The following C10orf90 variants were observed in gnomAD, a reference collection of about 807,000 sequenced individuals.
C10orf90 encodes chromosome 10 open reading frame 90.
In C10orf90, 56 loss-of-function variants were observed where a neutral mutation model predicts 62.5. The observed-to-expected ratio is 0.90, with a 90% confidence interval of 0.72 to 1.12. The LOEUF is 1.12. C10orf90 is among the 50% of genes most tolerant of loss of function. C10orf90 has a pLI of 0.00. For synonymous variants in C10orf90, 386 were observed against 340.4 expected (o/e 1.13, Z -1.47); for missense variants, 970 against 880.4 (o/e 1.10, Z -1.29).
chr10:126,628,931 C>T (rs1564899511), intron 2 of C10orf90, among the ~76,000 whole-genome samples: 1 of 152,226 alleles, frequency 6.6e-6, no homozygotes, highest in South Asian at 2.1e-4. Context: ...TGGGTGCCCA[C>T]CGCTGTGTAG....
intron 1 of C10orf90, among the ~76,000 whole-genome samples, chr10:126,665,776 G>A (rs1217700145): frequency 6.6e-6 from 1 of 152,168 alleles, no homozygotes; most frequent in African/African-American, 2.4e-5. Flanking sequence ...GGAGGAGGTA[G>A]AGACGGAAAT....
At chr10:126,567,998 G>C (rs72839035) in intron 2 of C10orf90, among the ~76,000 whole-genome samples, 8,934 of 152,210 alleles carry the variant, frequency 0.059, 337 homozygotes, top group Middle Eastern at 0.099. Context: ...CTCTGGGAAA[G>C]GAGAGGAAAT....
At chr10:126,569,181 G>T (rs1391161973) in intron 2 of C10orf90, among the ~76,000 whole-genome samples, 1 of 152,178 alleles carries the variant, frequency 6.6e-6, no homozygotes, top group East Asian at 1.9e-4. Context: ...TGGCTGCCAG[G>T]GGTGGGTAGC....
At chr10:126,535,494 G>C (rs1039473690) in intron 2 of C10orf90, among the ~76,000 whole-genome samples, 1 of 149,250 alleles carries the variant, frequency 6.7e-6, no homozygotes, top group African/African-American at 2.5e-5. Flanking sequence ...TCCAGCCTGG[G>C]CAACAGAGCC....
chr10:126,637,043 C>T (rs1035748065), intron 2 of C10orf90, among the ~76,000 whole-genome samples: 1 of 151,858 alleles, frequency 6.6e-6, no homozygotes, highest in Non-Finnish European at 1.5e-5. Flanking sequence ...ATAAGGAAGT[C>T]GAAACAAATA....
intron 2 of C10orf90, among the ~76,000 whole-genome samples, chr10:126,640,393 TGA>T (rs2133842663): frequency 6.6e-6 from 1 of 152,352 alleles, no homozygotes; most frequent in South Asian, 2.1e-4. Flanking sequence ...GAGGATAAAG[TGA>T]GAGCCTCTGA....
intron 4 of C10orf90, among the ~76,000 whole-genome samples, chr10:126,473,095 C>A (rs893777529): frequency 1.3e-5 from 2 of 152,082 alleles, no homozygotes; most frequent in Non-Finnish European, 2.9e-5. Context: ...AAAATTCCTG[C>A]CCTCATGCCT....
At chr10:126,659,251 C>A (rs1437389226) in intron 1 of C10orf90, among the ~76,000 whole-genome samples, 1 of 152,202 alleles carries the variant, frequency 6.6e-6, no homozygotes, top group Admixed American at 6.5e-5. Context: ...GAGCCATGCA[C>A]TGAGAAGCTG....
chr10:126,586,714 C>G (rs1040445977), intron 2 of C10orf90, among the ~76,000 whole-genome samples: 6 of 152,122 alleles, frequency 3.9e-5, no homozygotes, highest in Admixed American at 6.5e-5. Flanking sequence ...TTCCTAAATT[C>G]CTGCATGAAA....
chr10:126,510,473 C>A (rs1382511535), intron 3 of C10orf90, among the ~76,000 whole-genome samples: 1 of 152,166 alleles, frequency 6.6e-6, no homozygotes, highest in African/African-American at 2.4e-5. Context: ...CATGTCTTTA[C>A]AAAGAGATTT....
chr10:126,577,187 T>C (rs1309831877), intron 2 of C10orf90, among the ~76,000 whole-genome samples: 2 of 151,946 alleles, frequency 1.3e-5, no homozygotes, highest in Non-Finnish European at 2.9e-5. Flanking sequence ...TTTGAGATGA[T>C]GGATATGCTA....
chr10:126,462,534 A>T (rs1860053732), intron 5 of C10orf90, among the ~76,000 whole-genome samples: 1 of 152,082 alleles, frequency 6.6e-6, no homozygotes, highest in African/African-American at 2.4e-5. Flanking sequence ...CACATCACTC[A>T]TTCAGCAGCA....
At chr10:126,550,221 G>A (rs1163566241) in intron 2 of C10orf90, among the ~76,000 whole-genome samples, 1 of 152,116 alleles carries the variant, frequency 6.6e-6, no homozygotes, top group Non-Finnish European at 1.5e-5. Context: ...CTCTGAAAGT[G>A]CTGGAATTAC....
chr10:126,526,756 C>T (rs1433433200), intron 2 of C10orf90, among the ~76,000 whole-genome samples: 1 of 152,166 alleles, frequency 6.6e-6, no homozygotes, highest in Non-Finnish European at 1.5e-5. Flanking sequence ...GGCAACCACT[C>T]AACAACTGTC....
At chr10:126,445,706 C>T (rs933709896) in intron 7 of C10orf90, among the ~76,000 whole-genome samples, 9 of 151,814 alleles carry the variant, frequency 5.9e-5, no homozygotes, top group African/African-American at 1.9e-4. Flanking sequence ...AAAAAAGATA[C>T]TTGCACATGC....
chr10:126,613,158 G>A (rs1433249396), intron 2 of C10orf90, among the ~76,000 whole-genome samples: 3 of 152,118 alleles, frequency 2.0e-5, no homozygotes, highest in East Asian at 1.9e-4. Flanking sequence ...TTACAATACT[G>A]TATTTTGCCA....
At chr10:126,510,815 G>A (rs1331409031) in intron 3 of C10orf90, among the ~76,000 whole-genome samples, 1 of 152,186 alleles carries the variant, frequency 6.6e-6, no homozygotes, top group African/African-American at 2.4e-5. Flanking sequence ...TCTAAGAAGG[G>A]CATAATTTCA....
At chr10:126,497,961 G>T (rs947441451) in intron 4 of C10orf90, among the ~76,000 whole-genome samples, 1 of 152,010 alleles carries the variant, frequency 6.6e-6, no homozygotes, top group South Asian at 2.1e-4. Context: ...ACACTCTCTG[G>T]GTTACTTGTT....
At chr10:126,460,220 C>T (rs1188058246) in intron 6 of C10orf90, among the ~76,000 whole-genome samples, 1 of 152,182 alleles carries the variant, frequency 6.6e-6, no homozygotes, top group Non-Finnish European at 1.5e-5. Context: ...GGTGCTTCAC[C>T]GATGGGCTTG....
Sources: gnomAD v4.1 joint callset for allele counts (sites outside exome capture counted in the v4.1 genomes callset) on GRCh38, gnomAD v4.1.1 for gene constraint, MANE v1.5 for transcripts, NCBI Gene and HGNC (gene_info 2026-07-23, HGNC 2026-07-21) for gene names.